The following SCRG1 variants were observed in gnomAD, a reference collection of about 807,000 sequenced individuals.
SCRG1 encodes stimulator of chondrogenesis 1.
Under a neutral mutation model 7.7 loss-of-function variants are expected in SCRG1, and 3 were observed. The observed-to-expected ratio is 0.39, with a 90% CI of 0.18 to 1.01. The LOEUF is 1.01. SCRG1 is among the 50% of genes least tolerant of loss of function. SCRG1 has a pLI of 0.36. For synonymous variants in SCRG1, 46 were observed against 41.2 expected (o/e 1.12, Z -0.44); for missense variants, 110 against 117.2 (o/e 0.94, Z 0.28).
intron 2 of SCRG1, among the ~76,000 whole-genome samples, chr4:173,390,405 C>T (rs374527746): frequency 6.6e-6 from 1 of 151,474 alleles, no homozygotes; most frequent in South Asian, 2.1e-4. Context: ...TATTTTTGAC[C>T]GTTACTAAAC....
chr4:173,495,717 A>G, the SCRG1 span, among the ~76,000 whole-genome samples: 1 of 152,246 alleles, frequency 6.6e-6, no homozygotes, highest in Non-Finnish European at 1.5e-5. Flanking sequence ...TTGTAGAACC[A>G]AAGCCATGTA....
chr4:173,384,866 G>A lies in SCRG1; in HGVS notation c.*3475C>T, dbSNP rs529624097. ...TGTTCAGTAAGCTTTTAGCATATAT[G>A]AGCTATCTGAAATGTACAATTGTGT... is the stretch of plus-strand genomic sequence containing the variant. On this transcript the variant is annotated 3_prime_UTR_variant, in exon 3 of 3. Transcript: ENST00000296506. 3.3e-5 allele frequency: 5 copies of A among 152,282 alleles called. No homozygotes were observed. The East Asian group carries it at 9.7e-4, about 29-fold the overall frequency. The allele number at this position is 152,282 out of a possible 1,614,324, so 9.4% of individuals were successfully genotyped here. A position where few individuals can be genotyped will look rare whatever the true frequency, so the allele number is the denominator to read the frequency against.
chr4:173,436,131 C>T, the SCRG1 span, among the ~76,000 whole-genome samples: 2 of 152,092 alleles, frequency 1.3e-5, no homozygotes, highest in Admixed American at 1.3e-4. Context: ...TTCAGTCAGC[C>T]AATCGCCTGG....
chr4:173,430,188 A>T, the SCRG1 span, among the ~76,000 whole-genome samples: 1 of 152,184 alleles, frequency 6.6e-6, no homozygotes, highest in African/African-American at 2.4e-5. Context: ...CCAGTAGGAG[A>T]CAAACTTTTG....
chr4:173,435,118 ATGTGTGTGTGTGTG>A, the SCRG1 span, among the ~76,000 whole-genome samples: 32 of 151,412 alleles, frequency 2.1e-4, 1 homozygote, highest in South Asian at 4.2e-4. Flanking sequence ...ATATATATCT[ATGTGTGTGTGTGTG>A]TGTGTGTGTG....
the SCRG1 span, among the ~76,000 whole-genome samples, chr4:173,473,234 T>G: frequency 6.6e-6 from 1 of 152,252 alleles, no homozygotes. Flanking sequence ...ACCTGGTTTC[T>G]GCCAGCTAGG....
chr4:173,417,405 T>C, the SCRG1 span, among the ~76,000 whole-genome samples: 437 of 152,262 alleles, frequency 2.9e-3, 3 homozygotes, highest in Middle Eastern at 0.02. Flanking sequence ...TCCTCAATTT[T>C]CCAGCATGCC....
chr4:173,489,623 G>C, the SCRG1 span, among the ~76,000 whole-genome samples: 1 of 152,058 alleles, frequency 6.6e-6, no homozygotes, highest in East Asian at 1.9e-4. Context: ...ATTCAACCAG[G>C]ATTGCACAAT....
chr4:173,423,611 T>C, the SCRG1 span, among the ~76,000 whole-genome samples: 1 of 152,150 alleles, frequency 6.6e-6, no homozygotes, highest in African/African-American at 2.4e-5. Flanking sequence ...TTATTGTGAA[T>C]ACAATACTTT....
chr4:173,481,516 C>T, the SCRG1 span, among the ~76,000 whole-genome samples: 1 of 152,002 alleles, frequency 6.6e-6, no homozygotes, highest in Non-Finnish European at 1.5e-5. Flanking sequence ...TGCGAGGGTC[C>T]GCTTATATGT....
the SCRG1 span, among the ~76,000 whole-genome samples, chr4:173,463,925 G>T: frequency 4.1e-4 from 63 of 152,242 alleles, 2 homozygotes; most frequent in South Asian, 0.011. Context: ...TGGCATAACA[G>T]GCAGCTGAGC....
the SCRG1 span, among the ~76,000 whole-genome samples, chr4:173,488,612 G>A: frequency 6.6e-6 from 1 of 152,132 alleles, no homozygotes; most frequent in African/African-American, 2.4e-5. Flanking sequence ...GCAACAGAGA[G>A]GATAAGCAAC....
the SCRG1 span, among the ~76,000 whole-genome samples, chr4:173,416,911 A>AACACACACACACAC: frequency 5.6e-4 from 70 of 125,234 alleles, 1 homozygote; most frequent in African/African-American, 2.2e-3. Context: ...CACACACCCA[A>AACACACACACACAC]ACACACACAC....
the SCRG1 span, among the ~76,000 whole-genome samples, chr4:173,480,052 C>T: frequency 6.6e-6 from 1 of 151,964 alleles, no homozygotes; most frequent in African/African-American, 2.4e-5. Flanking sequence ...TCACTACAGC[C>T]TCCAACTCCT....
At chr4:173,483,172 CATATA>C in the SCRG1 span, among the ~76,000 whole-genome samples, 36 of 118,844 alleles carry the variant, frequency 3.0e-4, no homozygotes, top group East Asian at 3.8e-3. Flanking sequence ...TAACATATAA[CATATA>C]ATATATTATA....
At chr4:173,429,099 C>T in the SCRG1 span, among the ~76,000 whole-genome samples, 3 of 151,804 alleles carry the variant, frequency 2.0e-5, no homozygotes, top group Non-Finnish European at 4.4e-5. Flanking sequence ...AAAGTCATAC[C>T]AAAGAAAAAT....
the SCRG1 span, among the ~76,000 whole-genome samples, chr4:173,449,550 C>G: frequency 6.7e-6 from 1 of 149,998 alleles, no homozygotes; most frequent in Admixed American, 6.7e-5. Context: ...GCACTGGCCT[C>G]TTGGCTCTTG....
upstream of SCRG1, among the ~76,000 whole-genome samples, chr4:173,408,759 T>C (rs1410357722): frequency 6.6e-6 from 1 of 151,988 alleles, no homozygotes; most frequent in African/African-American, 2.4e-5. Flanking sequence ...TTTGGGAGCC[T>C]GAGGCAGGCG....
At chr4:173,420,705 GA>G in the SCRG1 span, among the ~76,000 whole-genome samples, 955 of 134,236 alleles carry the variant, frequency 7.1e-3, 9 homozygotes, top group East Asian at 0.025. Context: ...GAGCCAAGCT[GA>G]AAAAAAAAAA....
Sources: gnomAD v4.1 joint callset for allele counts (sites outside exome capture counted in the v4.1 genomes callset) on GRCh38, gnomAD v4.1.1 for gene constraint, MANE v1.5 for transcripts, NCBI Gene and HGNC (gene_info 2026-07-23, HGNC 2026-07-21) for gene names.